Variants in KCNC4 observed in about 807,000 individuals in gnomAD.
KCNC4 encodes voltage-gated potassium channel KCNC4.
Under a neutral mutation model 42.8 loss-of-function variants are expected in KCNC4, and 23 were observed. The observed-to-expected ratio is 0.54, with a 90% CI of 0.39 to 0.76. The LOEUF (loss-of-function observed/expected upper bound fraction) is 0.76, where lower values mean the gene tolerates loss of function less well. KCNC4 is among the 30% of genes least tolerant of loss of function. The pLI, the probability that KCNC4 is intolerant of heterozygous loss-of-function variation, is 0.00. For synonymous variants in KCNC4, 422 were observed against 393.5 expected (o/e 1.07, Z -0.86); for missense variants, 751 against 898.2 (o/e 0.84, Z 2.10).
chr1:110,226,453 C>A, intron 3 of KCNC4: 1 of 492,970 alleles, frequency 2.0e-6, no homozygotes, highest in Non-Finnish European at 3.7e-6. Context: ...AGGGTCCCTG[C>A]CCCGTGCTTC....
chr1:110,237,983 C>CAG (rs2101051160), downstream of KCNC4: 1 of 152,400 alleles, frequency 6.6e-6, no homozygotes, highest in Non-Finnish European at 1.5e-5. Flanking sequence ...TGAGCTGGCT[C>CAG]AGTCACTTGG....
chr1:110,211,375 A>G lies in KCNC4; in HGVS notation c.-125A>G. 4 of 1,393,514 alleles carry G rather than the reference A, an allele frequency of 2.9e-6. No individual in the cohort carries two copies. Among genetic ancestry groups the G allele is most frequent in the Non-Finnish European group, 3.8e-6 (4 of 1,041,748 alleles). The allele number at this position is 1,393,514 out of a possible 1,614,324, so 86.3% of individuals were successfully genotyped here. ...AGGCAGGGGCAAGCCCAAGCCGCAGAGGGGGCCGCCACCGCCTCCTGCCTC... is the reference window on the plus strand; with the variant it reads ...AGGCAGGGGCAAGCCCAAGCCGCAGGGGGGGCCGCCACCGCCTCCTGCCTC... On this transcript the variant is annotated 5_prime_UTR_variant, in exon 1 of 4. Transcript: ENST00000438661. This position sits in a 1 kb window ranked among gnomAD's most constrained non-coding sequence, Gnocchi z 6.5.
intron 3 of KCNC4, chr1:110,232,085 C>T (rs1658719956): frequency 1.3e-6 from 1 of 749,802 alleles, no homozygotes; most frequent in African/African-American, 1.7e-5. Flanking sequence ...CCTACCTGTG[C>T]TCCCACTGGT....
intron 1 of KCNC4, among the ~76,000 whole-genome samples, chr1:110,219,142 A>T (rs916542507): frequency 7.9e-5 from 12 of 152,242 alleles, no homozygotes; most frequent in Non-Finnish European, 1.0e-4. Flanking sequence ...TCTGTAAAAC[A>T]GCAGAAATGG....
At chr1:110,232,183 A>G (rs781759190) in intron 3 of KCNC4, 3 of 1,605,818 alleles carry the variant, frequency 1.9e-6, no homozygotes, top group South Asian at 1.1e-5. Context: ...TGGGTTTCTC[A>G]ATAAGGTACT....
At chr1:110,256,415 C>T (rs1384217083) in intron 1 of KCNC4, among the ~76,000 whole-genome samples, 4 of 152,238 alleles carry the variant, frequency 2.6e-5, no homozygotes, top group East Asian at 1.9e-4. Context: ...ACTGAGGCCC[C>T]GAAAGAACAC....
chr1:110,217,148 A>T (rs1409378291), intron 1 of KCNC4, among the ~76,000 whole-genome samples: 1 of 152,192 alleles, frequency 6.6e-6, no homozygotes, highest in Non-Finnish European at 1.5e-5. Context: ...AGTCAAGGGA[A>T]ATTAGGTGAC....
chr1:110,275,251 G>C (rs533792265), intron 1 of KCNC4, among the ~76,000 whole-genome samples: 4 of 151,756 alleles, frequency 2.6e-5, no homozygotes, highest in Non-Finnish European at 4.4e-5. Flanking sequence ...AGAAGCATAG[G>C]AAAAAAATGG....
chr1:110,213,432 T>G (rs967852242), intron 1 of KCNC4, among the ~76,000 whole-genome samples: 1 of 152,126 alleles, frequency 6.6e-6, no homozygotes, highest in Admixed American at 6.6e-5. Context: ...AGCACCCCTG[T>G]GCTGGACTCC....
chr1:110,265,238 T>C lies in KCNC4; in HGVS notation n.31-17296T>C, dbSNP rs561643879. Among the ~76,000 whole-genome samples the C allele has an allele frequency of 7.4e-4, 113 of 152,116 alleles. 1 individual carries two copies. Among genetic ancestry groups the C allele is most frequent in the African/African-American group, 2.5e-3 (103 of 41,518 alleles). ...CATCTTCAGAGAAAGATCTCGTTTA[T>C]AGTGTTCAGGTTCTTCCTAGGCTAG... On this transcript the variant is annotated intron_variant and non_coding_transcript_variant, in intron 1 of 2. Transcript: ENST00000412512.
downstream of KCNC4, chr1:110,236,674 G>C (rs1212654608): frequency 6.6e-6 from 1 of 152,212 alleles, no homozygotes; most frequent in Admixed American, 6.5e-5. Flanking sequence ...TTCCCTCTGC[G>C]ACCCCACTGG....
intron 1 of KCNC4, among the ~76,000 whole-genome samples, chr1:110,278,129 C>A (rs11102077): frequency 0.32 from 43,710 of 137,782 alleles, 6,817 homozygotes; most frequent in Admixed American, 0.47. Context: ...CCTGGATGAC[C>A]GAATGAGATC....
In KCNC4 at chr1:110,211,421, C is replaced by G; in HGVS notation, c.-79C>G. On this transcript the variant is annotated 5_prime_UTR_variant, in exon 1 of 4. Transcript: ENST00000438661. The surrounding 1 kb of genome is among the most constrained non-coding windows in gnomAD (Gnocchi z 6.5). ...GCCTCCTCTTCGTCTCCTCCCCCTC[C>G]CCCGTCTGACGCTGCCTCCTCGGGA... is the stretch of plus-strand genomic sequence containing the variant. The G allele has an allele frequency of 6.7e-7, 1 of 1,499,000 alleles. No homozygotes were observed. Among genetic ancestry groups the G allele is most frequent in the Non-Finnish European group, 8.9e-7 (1 of 1,119,770 alleles). The allele number at this position is 1,499,000 out of a possible 1,614,324, so 92.9% of individuals were successfully genotyped here.
chr1:110,241,648 G>A lies in KCNC4; in HGVS notation c.*9339G>A, dbSNP rs192868376. 2.6e-5 allele frequency: 4 copies of A among 152,324 alleles called. No individual in the cohort carries two copies. The East Asian group carries it at 7.7e-4, about 29-fold the overall frequency. 9.4% of individuals were successfully genotyped at this position (152,324 alleles called of 1,614,324 possible). ...CAATGGAGGCTGCCTCTGTCTGGAA[G>A]ATCTTCCTGCTCCTTGTGCTCCCCT... On this transcript the variant is annotated 3_prime_UTR_variant, in exon 4 of 4. Coordinates refer to the KCNC4 transcript ENST00000369787.
At chr1:110,265,351 CATAAATAAAATAAAATAAA>C in intron 1 of KCNC4, among the ~76,000 whole-genome samples, 1 of 134,680 alleles carries the variant, frequency 7.4e-6, no homozygotes. Context: ...AGAAATAAAA[CATAAATAAAATAAAATAAA>C]ATAAAATAAA....
At chr1:110,271,775 G>A (rs558121329) in intron 1 of KCNC4, among the ~76,000 whole-genome samples, 2 of 152,254 alleles carry the variant, frequency 1.3e-5, no homozygotes, top group Non-Finnish European at 2.9e-5. Context: ...GTTGAGGTGT[G>A]AGGTTGGGGA....
rs180825670 is a variant in KCNC4 at position 110,226,966 on chromosome 1, G to T, written c.1819+788G>T. Among the ~76,000 whole-genome samples, 748 of 152,282 alleles carry T rather than the reference G, an allele frequency of 4.9e-3. 1 individual carries two copies. Among genetic ancestry groups the T allele is most frequent in the Non-Finnish European group, 8.5e-3 (576 of 68,012 alleles). ...AATGATCAAGGATGGTGGAGGGCCC[G>T]CGGTGGCTGAGAACCAGGGGTCTTA... On this transcript the variant is annotated intron_variant, in intron 3 of 3. Transcript: ENST00000438661.
At position 110,233,024 on chromosome 1, in the gene KCNC4, AG is replaced by A; in HGVS notation, c.*55del. 7.6e-6 allele frequency: 12 copies of A among 1,581,350 alleles called. No individual in the cohort carries two copies. The highest frequency in any genetic ancestry group is 1.0e-5 in the Non-Finnish European group (12 of 1,161,584). On this transcript the variant is annotated 3_prime_UTR_variant, in exon 4 of 4. Transcript: ENST00000438661. Reference sequence around the variant, plus strand: ...CAGACAGACAGAAAGCCAGAGGCTTAGGGAAACTCTGGAACCCAGACAAGAA... The same window carrying A: ...CAGACAGACAGAAAGCCAGAGGCTTAGGAAACTCTGGAACCCAGACAAGAA...
At chr1:110,245,493 A>T (rs1308100514) in exon 4 of KCNC4, 1 of 152,116 alleles carries the variant, frequency 6.6e-6, no homozygotes, top group Non-Finnish European at 1.5e-5. Context: ...AAGCTAGAAG[A>T]CTTATCTCCG....
Sources: allele counts gnomAD v4.1 joint callset (sites outside exome capture counted in the v4.1 genomes callset), GRCh38; gene constraint gnomAD v4.1.1; non-coding constraint Gnocchi (gnomAD v3.1); transcripts MANE v1.5; gene names NCBI Gene and HGNC (gene_info 2026-07-23, HGNC 2026-07-21).